The following XDH variants were observed in gnomAD, a reference collection of about 807,000 sequenced individuals.
XDH encodes the protein xanthine dehydrogenase/oxidase.
XDH carries 138 observed loss-of-function variants against 156.1 expected under a neutral mutation model. The observed-to-expected ratio is 0.88, with a 90% CI of 0.77 to 1.02. The LOEUF is 1.02. XDH is among the 50% of genes least tolerant of loss of function. The pLI is 0.00. For synonymous variants in XDH, 669 were observed against 625.7 expected (o/e 1.07, Z -1.03); for missense variants, 1,849 against 1,684.9 (o/e 1.10, Z -1.71).
intron 32 of XDH, among the ~76,000 whole-genome samples, 172 bp from the exon 33 acceptor site, chr2:31,341,566 C>T (rs959478146): frequency 1.3e-5 from 2 of 152,124 alleles, no homozygotes; most frequent in Non-Finnish European, 2.9e-5. Context: ...CAAATCTCTG[C>T]TGCCACCATC....
chr2:31,374,615 T>A (rs1686176675), intron 15 of XDH, among the ~76,000 whole-genome samples: 1 of 152,168 alleles, frequency 6.6e-6, no homozygotes, highest in Non-Finnish European at 1.5e-5. Flanking sequence ...AATTTTAGGT[T>A]TTCTTTATCC....
intron 12 of XDH, among the ~76,000 whole-genome samples, chr2:31,380,419 G>A (rs1384618286): frequency 2.0e-5 from 3 of 152,152 alleles, no homozygotes; most frequent in African/African-American, 4.8e-5. Context: ...AGCTCACTGC[G>A]CCTAAATTAT....
At chr2:31,379,318 G>A (rs556161010) in intron 13 of XDH, among the ~76,000 whole-genome samples, 2 of 152,160 alleles carry the variant, frequency 1.3e-5, no homozygotes, top group South Asian at 2.1e-4. Context: ...GCAACACCTC[G>A]TCAAGCCTAA....
In XDH at chr2:31,364,162, T is replaced by A; in HGVS notation, c.2627A>T (p.Gln876Leu). Residue 876 changes from glutamine (Q) to leucine (L), a missense_variant, in exon 24 of 36, where the codon CAG becomes CTG. Coordinates refer to ENST00000379416, the MANE Select transcript of XDH (RefSeq NM_000379.4). ...SNVGNTQDLS[Q>L]SIMERALFHM... Reference sequence around the variant, plus strand: ...GCGGCTGCAGGTCCTACTCACACTCTGAGAGAGATCCTGGGTGTTCCCCAC... The same window carrying A: ...GCGGCTGCAGGTCCTACTCACACTCAGAGAGAGATCCTGGGTGTTCCCCAC... 6.2e-7 allele frequency: 1 copy of A among 1,613,988 alleles called. No homozygotes were observed. Among genetic ancestry groups the A allele is most frequent in the South Asian group, 1.1e-5 (1 of 91,074 alleles).
intron 16 of XDH, 109 bp from the exon 17 acceptor site, chr2:31,372,506 G>T (rs1686104624): frequency 2.7e-6 from 4 of 1,482,806 alleles, no homozygotes; most frequent in Non-Finnish European, 2.8e-6. Flanking sequence ...ACACCAAGGG[G>T]TAAGAATAAA....
rs531707293 is a variant in XDH at position 31,397,481 on chromosome 2, C to T, written c.495+187G>A. Among the ~76,000 whole-genome samples the T allele has an allele frequency of 8.5e-5, 13 of 152,290 alleles. No homozygotes were observed. In the South Asian group the frequency reaches 2.7e-3, roughly 32 times the overall value. ...AAAGTCCCATGCTATTCATAAGAAC[C>T]CTTCCCTGAATAAGAATGGCAGACT... On this transcript the variant is annotated intron_variant, in intron 6 of 35. Coordinates refer to ENST00000379416, the MANE Select transcript of XDH (RefSeq NM_000379.4).
rs45514500 is a variant in XDH at position 31,381,860 on chromosome 2, C to T, written c.1039-134G>A. On this transcript the variant is annotated intron_variant, in intron 11 of 35. Coordinates refer to ENST00000379416, the MANE Select transcript of XDH (RefSeq NM_000379.4). ...TGAGGTCCTGTGCCTACTGTAGTCA[C>T]AATACCAGCATAGTGAGAACTTCGG... The T allele has an allele frequency of 7.3e-3, 5,633 of 771,376 alleles. 29 individuals are homozygous for T. The highest frequency in any genetic ancestry group is 0.013 in the Middle Eastern group (38 of 2,908). 47.8% of individuals were successfully genotyped at this position (771,376 alleles called of 1,614,324 possible).
intron 33 of XDH, among the ~76,000 whole-genome samples, 170 bp from the exon 34 acceptor site, chr2:31,339,847 GA>G (rs1685078832): frequency 6.6e-6 from 1 of 152,178 alleles, no homozygotes. Context: ...AACCCATCCG[GA>G]CTTCTGCCAG....
intron 27 of XDH, among the ~76,000 whole-genome samples, 154 bp downstream of exon 27, chr2:31,348,745 G>A (rs1030045978): frequency 6.6e-6 from 1 of 152,196 alleles, no homozygotes; most frequent in African/African-American, 2.4e-5. Flanking sequence ...GGACAAATAG[G>A]ACTGTGCAAG....
chr2:31,389,853 A>AG (rs1553311257), intron 6 of XDH, among the ~76,000 whole-genome samples: 2,894 of 150,972 alleles, frequency 0.019, 93 homozygotes, highest in African/African-American at 0.066. Context: ...TAAAAAAAAA[A>AG]GTTTTTTTTT....
At chr2:31,405,063 G>T (rs936462505) in intron 2 of XDH, among the ~76,000 whole-genome samples, 2 of 152,166 alleles carry the variant, frequency 1.3e-5, no homozygotes, top group Non-Finnish European at 2.9e-5. Context: ...TGGGAACACA[G>T]CTCTAGGCTT....
intron 26 of XDH, 150 bp downstream of exon 26, chr2:31,349,536 G>T: frequency 8.5e-7 from 1 of 1,170,534 alleles, no homozygotes; most frequent in Non-Finnish European, 1.3e-6. Flanking sequence ...ATCATTATAA[G>T]ATCTTAAAGA....
intron 24 of XDH, among the ~76,000 whole-genome samples, chr2:31,362,676 G>C (rs1230464382): frequency 6.6e-6 from 1 of 152,072 alleles, no homozygotes; most frequent in East Asian, 1.9e-4. Flanking sequence ...TCATTATAAA[G>C]TTCCTTTTAT....
In XDH at chr2:31,383,797, C is replaced by G. The variant is rs764515967; in HGVS notation, c.844G>C (p.Ala282Pro). 1.2e-6 allele frequency: 2 copies of G among 1,614,154 alleles called. No individual in the cohort carries two copies. Among genetic ancestry groups the G allele is most frequent in the South Asian group, 1.1e-5 (1 of 91,046 alleles). The change falls in exon 10 of 36, where the codon GCC becomes CCC. Residue 282 changes from alanine (A) to proline (P), a missense_variant. By Grantham distance (27) the Ala-to-Pro change is conservative. Transcript: ENST00000379416. ...NMLFPMIVCP[A>P]WIPELNSVEH... ...ACCGAATTCAGCTCAGGGATCCAGGCTGGGCAGACAATCATAGGAAACAGC... is the reference window on the plus strand; with the variant it reads ...ACCGAATTCAGCTCAGGGATCCAGGGTGGGCAGACAATCATAGGAAACAGC...
intron 4 of XDH, among the ~76,000 whole-genome samples, chr2:31,399,938 G>A (rs206860): frequency 0.74 from 112,496 of 152,144 alleles, 42,067 homozygotes; most frequent in African/African-American, 0.84. Context: ...TGTTTAAACT[G>A]TTTATTCTTT....
In XDH at chr2:31,377,045, G is replaced by C. The variant is rs1246085279; in HGVS notation, c.1427+8C>G. The C allele has an allele frequency of 1.9e-6, 3 of 1,613,990 alleles. No homozygotes were observed. The highest frequency in any genetic ancestry group is 2.7e-5 in the African/African-American group (2 of 74,894). On this transcript the variant is annotated splice_region_variant and intron_variant, in intron 14 of 35. Coordinates refer to ENST00000379416, the MANE Select transcript of XDH (RefSeq NM_000379.4). The stretch of plus-strand genomic sequence containing the variant: ...TAGCAGCAGTTTCATTGTGCTGTTA[G>C]CTCTTACTTGGAAAGCTGCCTCTGA...
chr2:31,388,801 C>A (rs1686682704), intron 6 of XDH, among the ~76,000 whole-genome samples: 1 of 152,186 alleles, frequency 6.6e-6, no homozygotes, highest in Non-Finnish European at 1.5e-5. Context: ...AGCCAGTGTG[C>A]CCAATGGCCT....
intron 4 of XDH, 124 bp from the exon 5 acceptor site, chr2:31,398,823 G>T: frequency 6.8e-7 from 1 of 1,481,480 alleles, no homozygotes; most frequent in East Asian, 2.4e-5. Flanking sequence ...ACAGAGTCAA[G>T]CCCCAGTGCC....
At chr2:31,350,596 G>A (rs188757653) in intron 24 of XDH, among the ~76,000 whole-genome samples, 27 of 151,910 alleles carry the variant, frequency 1.8e-4, no homozygotes, top group Middle Eastern at 3.4e-3. Context: ...GGAAGGTCTC[G>A]ATCTCCTGAC....
Sources: gnomAD v4.1 joint callset for allele counts (sites outside exome capture counted in the v4.1 genomes callset) on GRCh38, gnomAD v4.1.1 for gene constraint, MANE v1.5 for transcripts, NCBI Gene and HGNC (gene_info 2026-07-23, HGNC 2026-07-21) for gene names.